MAEL: variants seen among roughly 807,000 people sequenced by gnomAD.
MAEL encodes the protein maelstrom spermatogenic transposon silencer.
A neutral mutation model predicts 62.0 loss-of-function variants in MAEL; 46 were observed. The observed-to-expected ratio is 0.74, with a 90% CI of 0.59 to 0.95. The LOEUF (loss-of-function observed/expected upper bound fraction) is 0.95. MAEL is among the 40% of genes least tolerant of loss of function. The pLI is 0.00. For synonymous variants in MAEL, 172 were observed against 175.5 expected (o/e 0.98, Z 0.16); for missense variants, 497 against 526.8 (o/e 0.94, Z 0.55).
intron 1 of MAEL, among the ~76,000 whole-genome samples, chr1:166,976,107 T>G (rs1466226141): frequency 6.6e-6 from 1 of 152,140 alleles, no homozygotes; most frequent in Non-Finnish European, 1.5e-5. Flanking sequence ...CCTGTTAAAA[T>G]ATGAGGTAGA....
At chr1:167,017,033 CA>C (rs1200369443) in intron 9 of MAEL, among the ~76,000 whole-genome samples, 1 of 151,822 alleles carries the variant, frequency 6.6e-6, no homozygotes, top group Non-Finnish European at 1.5e-5. Context: ...TTAATTAGTA[CA>C]AAAAATGGTT....
chr1:166,989,755 A>G lies in MAEL; in HGVS notation c.151A>G (p.Lys51Glu). 3 of 1,613,960 alleles carry G rather than the reference A, an allele frequency of 1.9e-6. No individual in the cohort carries two copies. Among genetic ancestry groups the G allele is most frequent in the Non-Finnish European group, 2.5e-6 (3 of 1,179,988 alleles). Residue 51 changes from lysine to glutamate, a missense_variant, in exon 2 of 12, where the codon AAG becomes GAG. Coordinates refer to ENST00000367872, the MANE Select transcript of MAEL (RefSeq NM_032858.3). ...SDWALLREEE[K>E]EKYAEMAREW... ...CCAAAAGCTTCTGAGGGAGGAAGAA[A>G]AGGAGAAATACGCAGAAATGGCTCG...
intron 4 of MAEL, among the ~76,000 whole-genome samples, chr1:166,993,649 A>G (rs1025752681): frequency 6.6e-6 from 1 of 152,190 alleles, no homozygotes; most frequent in Admixed American, 6.5e-5. Context: ...GTTGTAAAAT[A>G]TTAAAAAGAT....
intron 1 of MAEL, 35 bp from the exon 2 acceptor site, chr1:166,989,702 C>A: frequency 6.3e-7 from 1 of 1,597,916 alleles, no homozygotes. Flanking sequence ...ATCCTCACGG[C>A]TGTTTCTCTT....
At chr1:166,979,324 C>A (rs1327912785) in intron 1 of MAEL, among the ~76,000 whole-genome samples, 1 of 151,280 alleles carries the variant, frequency 6.6e-6, no homozygotes, top group Non-Finnish European at 1.5e-5. Context: ...CTTTCCCATC[C>A]TCCATACCTT....
intron 5 of MAEL, among the ~76,000 whole-genome samples, chr1:167,001,609 A>G (rs770885117): frequency 2.8e-4 from 43 of 152,180 alleles, no homozygotes; most frequent in Non-Finnish European, 6.2e-4. Flanking sequence ...GGAAACCAAA[A>G]TATTTGTGTG....
chr1:167,003,490 A>G (rs1381444950), intron 5 of MAEL, among the ~76,000 whole-genome samples: 1 of 152,156 alleles, frequency 6.6e-6, no homozygotes, highest in Non-Finnish European at 1.5e-5. Flanking sequence ...TCCTCTGGAA[A>G]GGGTTTGTGT....
intron 8 of MAEL, among the ~76,000 whole-genome samples, chr1:167,008,992 C>T (rs988797307): frequency 5.3e-5 from 8 of 151,964 alleles, no homozygotes; most frequent in African/African-American, 1.9e-4. Context: ...TGACTGTTCT[C>T]TTGGCATATG....
chr1:166,979,058 CAT>C (rs1157893456), intron 1 of MAEL, among the ~76,000 whole-genome samples: 1 of 152,176 alleles, frequency 6.6e-6, no homozygotes, highest in Non-Finnish European at 1.5e-5. Flanking sequence ...GTAGCAACCA[CAT>C]AGTTATAAAT....
chr1:166,990,092 C>G lies in MAEL; in HGVS notation c.225+263C>G, dbSNP rs61815154. 563 of 319,512 alleles carry G rather than the reference C, an allele frequency of 1.8e-3. 2 individuals are homozygous for G. The highest frequency in any genetic ancestry group is 2.4e-3 in the Non-Finnish European group (414 of 175,480). The allele number at this position is 319,512 out of a possible 1,614,324, so 19.8% of individuals were successfully genotyped here. A position where few individuals can be genotyped will look rare whatever the true frequency, so the allele number is the denominator to read the frequency against. On this transcript the variant is annotated intron_variant, in intron 2 of 11. Transcript: ENST00000367872. ...TGTTAGGAAACCTGTAGACAATACA[C>G]TTTGATCGCTAATGGGAGTGTAACA...
chr1:167,021,200 G>T (rs190658619), intron 11 of MAEL, 40 bp downstream of exon 11: 1 of 1,357,716 alleles, frequency 7.4e-7, no homozygotes, highest in Admixed American at 1.7e-5. Context: ...CCTAAAGGAT[G>T]TTAGAGCCTA....
At chr1:167,005,918 TA>T (rs1664875625) in intron 8 of MAEL, 1 of 152,386 alleles carries the variant, frequency 6.6e-6, no homozygotes, top group Non-Finnish European at 1.5e-5. Context: ...TCTTTATACC[TA>T]AATACTTCAA....
intron 8 of MAEL, chr1:167,006,140 T>C (rs1664886263): frequency 1.3e-5 from 2 of 152,084 alleles, no homozygotes; most frequent in African/African-American, 4.8e-5. Context: ...CATAGTGTAA[T>C]GATCAAAATC....
chr1:166,984,585 G>T (rs777872274), upstream of MAEL, among the ~76,000 whole-genome samples: 2 of 151,914 alleles, frequency 1.3e-5, no homozygotes, highest in Non-Finnish European at 2.9e-5. Context: ...CCCCCTAAAT[G>T]AACAACAATT....
At chr1:167,005,173 A>G (rs779560423) in intron 7 of MAEL, 43 bp downstream of exon 7, 1 of 1,611,534 alleles carries the variant, frequency 6.2e-7, no homozygotes, top group Non-Finnish European at 8.5e-7. Context: ...TTTATAGTTA[A>G]TATCTGTATT....
Position 167,021,067 on chromosome 1 carries a change from T to C in MAEL, c.1042-18T>C. On this transcript the variant is annotated intron_variant, in intron 10 of 11. Transcript: ENST00000367872. ...GAAATAAACATTTTTCCCCCTGGTATTTTCCTGTTACTTACAGAAGCTAAG... is the reference window on the plus strand; with the variant it reads ...GAAATAAACATTTTTCCCCCTGGTACTTTCCTGTTACTTACAGAAGCTAAG... The C allele has an allele frequency of 6.3e-7, 1 of 1,576,592 alleles. No homozygotes were observed. The highest frequency in any genetic ancestry group is 1.7e-5 in the Admixed American group (1 of 59,656).
chr1:167,017,894 C>T lies in MAEL; in HGVS notation c.976C>T (p.Gln326Ter). The T allele has an allele frequency of 1.9e-6, 3 of 1,613,352 alleles. No individual in the cohort carries two copies. Among genetic ancestry groups the T allele is most frequent in the Non-Finnish European group, 2.5e-6 (3 of 1,179,534 alleles). ...IQLTEAHVPLQDYEASNSVTP... is the reference protein window; with the variant it reads ...IQLTEAHVPL The stretch of plus-strand genomic sequence containing the variant: ...GCTCACAGAGGCTCATGTACCACTA[C>T]AAGATTATGAGGCCAGCAATAGTGT... Residue 326 changes from glutamine (Q) to a stop codon, truncating the protein, a stop_gained, in exon 10 of 12, where the codon CAA becomes TAA. Transcript: ENST00000367872. LOFTEE classifies it high-confidence loss of function.
At chr1:166,994,242 C>T (rs1464342628) in intron 5 of MAEL, among the ~76,000 whole-genome samples, 173 bp downstream of exon 5, 2 of 152,290 alleles carry the variant, frequency 1.3e-5, no homozygotes, top group African/African-American at 2.4e-5. Context: ...TTTTTATAGA[C>T]TGATAGTATA....
At chr1:167,006,503 G>C (rs938629942) in intron 8 of MAEL, among the ~76,000 whole-genome samples, 1 of 150,108 alleles carries the variant, frequency 6.7e-6, no homozygotes, top group Non-Finnish European at 1.5e-5. Context: ...GGAGGTATAT[G>C]ATGTCAGTTT....
Sources: gnomAD v4.1 joint callset for allele counts (sites outside exome capture counted in the v4.1 genomes callset) on GRCh38, gnomAD v4.1.1 for gene constraint, MANE v1.5 for transcripts, NCBI Gene and HGNC (gene_info 2026-07-23, HGNC 2026-07-21) for gene names.